PPM1E: variants seen among roughly 807,000 people sequenced by gnomAD.
PPM1E encodes the protein protein phosphatase, Mg2+/Mn2+ dependent 1E.
Under a neutral mutation model 65.9 loss-of-function variants are expected in PPM1E, and 20 were observed. The ratio of observed to expected loss-of-function variants is 0.30; its 90% confidence interval spans 0.21 to 0.44. PPM1E has a LOEUF of 0.44. Among genes scored for constraint, PPM1E ranks in the 20% least tolerant of loss-of-function variants. The pLI is 1.00. For synonymous variants in PPM1E, 352 were observed against 374.9 expected, an observed-to-expected ratio of 0.94 and a Z score of 0.70; for missense variants, 713 against 953.1, an observed-to-expected ratio of 0.75 and a Z score of 3.32.
At chr17:58,833,503 ATTCAC>A (rs2050624878) in intron 1 of PPM1E, among the ~76,000 whole-genome samples, 1 of 151,636 alleles carries the variant, frequency 6.6e-6, no homozygotes, top group Non-Finnish European at 1.5e-5. Flanking sequence ...TCTTGCATTA[ATTCAC>A]TTAGGATAAA....
rs2031620181 is a variant in PPM1E at position 58,984,581 on chromosome 17, A to C, written c.*3550A>C. On this transcript the variant is annotated 3_prime_UTR_variant, in exon 7 of 7. Transcript: ENST00000308249. ...TTTTCTTTGAATCGTAAGTTAGCAA[A>C]AGAAATTTTTTTCACCTTTGAAAAT... The C allele has an allele frequency of 6.6e-6, 1 of 152,578 alleles. No individual in the cohort carries two copies. Among genetic ancestry groups the C allele is most frequent in the Non-Finnish European group, 1.5e-5 (1 of 68,040 alleles). The allele number at this position is 152,578 out of a possible 1,614,324, so 9.5% of individuals were successfully genotyped here.
chr17:58,975,535 T>A (rs750191150), intron 6 of PPM1E, among the ~76,000 whole-genome samples: 1 of 152,160 alleles, frequency 6.6e-6, no homozygotes, highest in Non-Finnish European at 1.5e-5. Flanking sequence ...ATAGAGTGAC[T>A]TTTGAGTTGA....
intron 1 of PPM1E, among the ~76,000 whole-genome samples, chr17:58,781,716 G>A (rs1037933674): frequency 7.3e-5 from 11 of 151,402 alleles, no homozygotes; most frequent in African/African-American, 1.7e-4. Context: ...GCGAAACCCC[G>A]TCCCTACTGA....
intron 1 of PPM1E, among the ~76,000 whole-genome samples, chr17:58,815,283 A>T (rs2050404664): frequency 6.6e-6 from 1 of 152,248 alleles, no homozygotes; most frequent in Admixed American, 6.5e-5. Flanking sequence ...ACAACATAAC[A>T]GGGAACCTGA....
At chr17:58,881,499 T>C (rs2051193904) in intron 1 of PPM1E, among the ~76,000 whole-genome samples, 1 of 151,378 alleles carries the variant, frequency 6.6e-6, no homozygotes. Flanking sequence ...CTGTCTCTAC[T>C]AAAAATACAA....
At chr17:58,850,077 TTA>T (rs1324132301) in intron 1 of PPM1E, among the ~76,000 whole-genome samples, 2 of 152,206 alleles carry the variant, frequency 1.3e-5, no homozygotes, top group African/African-American at 4.8e-5. Context: ...TTAAAGTCTG[TTA>T]TATCAGAGAC....
At chr17:58,809,144 G>T (rs2050341873) in intron 1 of PPM1E, among the ~76,000 whole-genome samples, 1 of 152,058 alleles carries the variant, frequency 6.6e-6, no homozygotes, top group East Asian at 1.9e-4. Context: ...CAGGCTGTAA[G>T]TGCAGTGGTG....
chr17:58,913,720 G>T (rs1754552533), intron 1 of PPM1E, among the ~76,000 whole-genome samples: 1 of 152,088 alleles, frequency 6.6e-6, no homozygotes, highest in African/African-American at 2.4e-5. Flanking sequence ...TCACTTCCTG[G>T]GTAGGATTGC....
chr17:58,859,949 TC>T, intron 1 of PPM1E, among the ~76,000 whole-genome samples: 1 of 152,188 alleles, frequency 6.6e-6, no homozygotes, highest in Non-Finnish European at 1.5e-5. Flanking sequence ...AGCTCAGGTT[TC>T]CCCTTGGGCT....
At position 58,972,291 on chromosome 17, in the gene PPM1E, T is replaced by C; in HGVS notation, c.1116+16T>C. On this transcript the variant is annotated intron_variant, in intron 5 of 6. Coordinates refer to ENST00000308249, the MANE Select transcript of PPM1E (RefSeq NM_014906.5). ...AGACAGAGAGGTAAGTATGGTCTGT[T>C]TTAATAGAGCCCATGCTCTAGTTAT... The C allele has an allele frequency of 1.2e-6, 2 of 1,607,574 alleles. No homozygotes were observed. The highest frequency in any genetic ancestry group is 1.7e-6 in the Non-Finnish European group (2 of 1,175,906).
At chr17:58,979,252 A>AT in intron 6 of PPM1E, among the ~76,000 whole-genome samples, 1 of 152,204 alleles carries the variant, frequency 6.6e-6, no homozygotes, top group Non-Finnish European at 1.5e-5. Context: ...TATAAGAGAA[A>AT]AATGGCCATA....
At chr17:58,907,724 C>A (rs1277021899) in intron 1 of PPM1E, among the ~76,000 whole-genome samples, 1 of 152,158 alleles carries the variant, frequency 6.6e-6, no homozygotes, top group African/African-American at 2.4e-5. Flanking sequence ...GAATTGACTC[C>A]TTTATCATTA....
At chr17:58,780,607 G>C (rs996499339) in intron 1 of PPM1E, among the ~76,000 whole-genome samples, 3 of 152,116 alleles carry the variant, frequency 2.0e-5, no homozygotes, top group Admixed American at 6.6e-5. Flanking sequence ...TTATAGATTT[G>C]TGGGAAATCT....
In PPM1E at chr17:58,849,577, C is replaced by T. The variant is rs539495069; in HGVS notation, c.464+93116C>T. ...GTTGTTCAGTTTCCATGTAGTTGAG[C>T]GGTTTTCAGTGAGTTTCTTAATCCT... On this transcript the variant is annotated intron_variant, in intron 1 of 6. Transcript: ENST00000308249. Among the ~76,000 whole-genome samples the T allele has an allele frequency of 9.3e-4, 141 of 152,192 alleles. 1 individual carries two copies. Among genetic ancestry groups the T allele is most frequent in the Admixed American group, 7.8e-3 (119 of 15,266 alleles).
chr17:58,899,645 T>A (rs1348327497), intron 1 of PPM1E: 1 of 215,986 alleles, frequency 4.6e-6, no homozygotes, highest in Non-Finnish European at 9.9e-6. Context: ...TGGCAAAGAA[T>A]CTCAAGCCAA....
At chr17:58,979,349 C>T in intron 6 of PPM1E, among the ~76,000 whole-genome samples, 1 of 152,324 alleles carries the variant, frequency 6.6e-6, no homozygotes, top group East Asian at 1.9e-4. Flanking sequence ...AAACTGCATT[C>T]AGCTCCCATG....
At chr17:58,809,981 A>G (rs1388965457) in intron 1 of PPM1E, among the ~76,000 whole-genome samples, 1 of 152,238 alleles carries the variant, frequency 6.6e-6, no homozygotes, top group African/African-American at 2.4e-5. Flanking sequence ...AGATATTAAA[A>G]ATATTATTTT....
intron 1 of PPM1E, among the ~76,000 whole-genome samples, chr17:58,850,547 G>T (rs1047435244): frequency 4.4e-4 from 67 of 152,128 alleles, no homozygotes; most frequent in Non-Finnish European, 7.5e-4. Context: ...GCTTAGTTTG[G>T]CTGGATATGA....
intron 1 of PPM1E, among the ~76,000 whole-genome samples, chr17:58,876,058 T>C (rs147959257): frequency 2.0e-5 from 3 of 152,312 alleles, no homozygotes; most frequent in African/African-American, 7.2e-5. Context: ...ATGAGTACTA[T>C]GGTTTGTGAT....
Sources: allele counts gnomAD v4.1 joint callset (sites outside exome capture counted in the v4.1 genomes callset), GRCh38; gene constraint gnomAD v4.1.1; transcripts MANE v1.5; gene names NCBI Gene and HGNC (gene_info 2026-07-23, HGNC 2026-07-21).